Variants in CROT observed in about 807,000 individuals in gnomAD.
CROT encodes the protein peroxisomal carnitine O-octanoyltransferase.
CROT carries 84 observed loss-of-function variants against 89.2 expected under a neutral mutation model. The ratio of observed to expected loss-of-function variants is 0.94; its 90% CI spans 0.79 to 1.13. The LOEUF is 1.13. CROT is among the 50% of genes most tolerant of loss of function. The probability of loss-of-function intolerance (pLI) is 0.00; values close to 1 mark genes in which losing one functional copy is unlikely to be tolerated. For missense variants in CROT, 711 were observed against 727.8 expected, an observed-to-expected ratio of 0.98 and a Z score of 0.27; for synonymous variants, 212 against 239.5, an observed-to-expected ratio of 0.89 and a Z score of 1.06.
chr7:87,392,534 G>C (rs772872517), intron 14 of CROT, 32 bp from the exon 15 acceptor site: 3 of 1,573,054 alleles, frequency 1.9e-6, no homozygotes, highest in Non-Finnish European at 2.6e-6. Flanking sequence ...TGCACAGTGT[G>C]TTATTGAAGT....
rs1806553398 is a variant in CROT, at chr7:87,369,427, C to G, written c.599C>G (p.Ala200Gly). The change falls in exon 7 of 18, where the codon GCT becomes GGT. Residue 200 changes from alanine to glycine, a missense_variant. Coordinates refer to ENST00000331536, the MANE Select transcript of CROT (RefSeq NM_021151.4). ...NHIVVLCRGR[A>G]FVFDVIHEGC... ...ATTGTAGTGCTGTGTCGAGGCCGAG[C>G]TTTTGTCTTTGATGTAATACATGAA... is the stretch of plus-strand genomic sequence containing the variant. 2 of 1,613,134 alleles carry G rather than the reference C, an allele frequency of 1.2e-6. No individual in the cohort carries two copies. The highest frequency in any genetic ancestry group is 2.7e-5 in the African/African-American group (2 of 74,840).
intron 10 of CROT, among the ~76,000 whole-genome samples, chr7:87,378,947 A>G (rs774672940): frequency 3.3e-5 from 5 of 152,220 alleles, no homozygotes; most frequent in Non-Finnish European, 7.3e-5. Flanking sequence ...AAAAGTTGCC[A>G]CAAGTCATTT....
At chr7:87,366,468 T>C (rs1806451531) in intron 6 of CROT, among the ~76,000 whole-genome samples, 1 of 152,200 alleles carries the variant, frequency 6.6e-6, no homozygotes, top group Non-Finnish European at 1.5e-5. Flanking sequence ...TGTCTTTCTT[T>C]CCATTACTAC....
At chr7:87,377,960 T>C (rs1806864822) in intron 10 of CROT, among the ~76,000 whole-genome samples, 1 of 152,152 alleles carries the variant, frequency 6.6e-6, no homozygotes, top group African/African-American at 2.4e-5. Flanking sequence ...TTGCTTCTCC[T>C]CTGTTCCCCT....
Position 87,398,142 on chromosome 7 carries a change from A to G in CROT, c.1719-382A>G, listed in dbSNP as rs138671070. 2.2e-3 allele frequency among the ~76,000 whole-genome samples: 334 copies of G among 152,154 alleles called. 3 individuals carry two copies. Among genetic ancestry groups the G allele is most frequent in the African/African-American group, 7.5e-3 (313 of 41,526 alleles). The stretch of plus-strand genomic sequence containing the variant: ...CAAACTTTCTTCAAGTACTCTTTAA[A>G]AACAGTTTAAATTTCATTAAAAACT... On this transcript the variant is annotated intron_variant, in intron 17 of 17. Transcript: ENST00000331536.
intron 3 of CROT, among the ~76,000 whole-genome samples, chr7:87,358,253 A>G (rs1475115823): frequency 2.0e-5 from 3 of 151,802 alleles, no homozygotes; most frequent in Admixed American, 2.0e-4. Flanking sequence ...GGAGGCAGGT[A>G]GATCACGAGG....
intron 12 of CROT, 27 bp downstream of exon 12, chr7:87,382,208 A>G: frequency 6.5e-7 from 1 of 1,550,292 alleles, no homozygotes; most frequent in Middle Eastern, 1.7e-4. Context: ...TCTCTTAAAT[A>G]ATAATGATTT....
At position 87,398,571 on chromosome 7, in the gene CROT, CG is replaced by C. The variant is rs748621365; in HGVS notation, c.1768del (p.Glu590LysfsTer3). The C allele has an allele frequency of 6.2e-6, 10 of 1,613,506 alleles. No individual in the cohort carries two copies. In the South Asian group the frequency reaches 9.9e-5, roughly 16 times the overall value. Reference protein sequence around the residue: ...SAWKSCPETDAEKLVQLTFCA... With the variant: ...SAWKSCPETDXEKLVQLTFCA... ...TGGAAATCCTGTCCCGAGACTGATG[CG>C]GAAAAGCTAGTTCAGCTGACTTTTT... On this transcript the variant is annotated frameshift_variant, in exon 18 of 18. Coordinates refer to ENST00000331536, the MANE Select transcript of CROT (RefSeq NM_021151.4). LOFTEE classifies it high-confidence loss of function.
At chr7:87,376,480 G>A (rs1235320080) in intron 9 of CROT, among the ~76,000 whole-genome samples, 1 of 152,058 alleles carries the variant, frequency 6.6e-6, no homozygotes, top group Non-Finnish European at 1.5e-5. Flanking sequence ...CCCCCAGGGT[G>A]ACATTTGTGT....
chr7:87,357,556 A>C, intron 3 of CROT: 1 of 1,445,316 alleles, frequency 6.9e-7, no homozygotes, highest in Non-Finnish European at 9.5e-7. Context: ...ATGCTAAGAG[A>C]GGGTTCTTGG....
At chr7:87,351,463 T>G (rs1805868200) in intron 3 of CROT, among the ~76,000 whole-genome samples, 1 of 151,548 alleles carries the variant, frequency 6.6e-6, no homozygotes, top group Non-Finnish European at 1.5e-5. Flanking sequence ...TACCCAACAG[T>G]TTTTCTGGTT....
intron 3 of CROT, among the ~76,000 whole-genome samples, chr7:87,357,891 T>C (rs1806134572): frequency 6.6e-6 from 1 of 152,224 alleles, no homozygotes. Context: ...GGTATTGGGA[T>C]ACCTGGACTT....
chr7:87,370,496 T>TTTAATATCATTAAACACTG (rs1806597354), intron 7 of CROT, among the ~76,000 whole-genome samples: 1 of 152,216 alleles, frequency 6.6e-6, no homozygotes, highest in South Asian at 2.1e-4. Flanking sequence ...TAAACAGTGT[T>TTTAATATCATTAAACACTG]TTAATATCAT....
intron 7 of CROT, among the ~76,000 whole-genome samples, chr7:87,370,426 G>A (rs936433451): frequency 9.2e-5 from 14 of 152,054 alleles, no homozygotes; most frequent in South Asian, 2.1e-4. Context: ...TAAATAATCC[G>A]CCTGCCTTGG....
In CROT at chr7:87,392,819, A is replaced by G. The variant is rs1807411479; in HGVS notation, c.1594A>G (p.Lys532Glu). The G allele has an allele frequency of 6.2e-7, 1 of 1,613,134 alleles. No homozygotes were observed. Among genetic ancestry groups the G allele is most frequent in the Non-Finnish European group, 8.5e-7 (1 of 1,179,446 alleles). ...ACTCTTTACGGACCCACTTTTTTCC[A>G]AAAGGTAATATAGTGTAGTGTTTTA... is the stretch of plus-strand genomic sequence containing the variant. ...PELFTDPLFS[K>E]SGGGGNFVLS... Residue 532 changes from lysine (K) to glutamate (E), a missense_variant, in exon 16 of 18, where the codon AAA becomes GAA. Coordinates refer to ENST00000331536, the MANE Select transcript of CROT (RefSeq NM_021151.4).
chr7:87,396,100 A>G (rs1425126359), intron 17 of CROT, among the ~76,000 whole-genome samples: 1 of 152,170 alleles, frequency 6.6e-6, no homozygotes, highest in Non-Finnish European at 1.5e-5. Context: ...GATTGTCGAT[A>G]TGGCAAAAAA....
At chr7:87,394,344 C>T (rs1290664711) in intron 17 of CROT, among the ~76,000 whole-genome samples, 1 of 152,090 alleles carries the variant, frequency 6.6e-6, no homozygotes, top group East Asian at 1.9e-4. Flanking sequence ...ATGTATTTTT[C>T]ATTGTGGGTA....
At chr7:87,368,241 C>T (rs553196260) in intron 6 of CROT, among the ~76,000 whole-genome samples, 31 of 152,276 alleles carry the variant, frequency 2.0e-4, no homozygotes, top group Non-Finnish European at 2.8e-4. Context: ...CTCAAATATC[C>T]GCCAGGTTTA....
chr7:87,359,715 A>G, intron 4 of CROT: 1 of 1,018,684 alleles, frequency 9.8e-7, no homozygotes, highest in Non-Finnish European at 1.2e-6. Context: ...TGGCATAGAA[A>G]TATTTTCGTA....
Sources: gnomAD v4.1 joint callset for allele counts (sites outside exome capture counted in the v4.1 genomes callset) on GRCh38, gnomAD v4.1.1 for gene constraint, MANE v1.5 for transcripts, NCBI Gene and HGNC (gene_info 2026-07-23, HGNC 2026-07-21) for gene names.